DOCK1: variants seen among roughly 807,000 people sequenced by gnomAD.
DOCK1 encodes dedicator of cytokinesis 1, also known as dedicator of cytokinesis protein 1.
In DOCK1, 138 loss-of-function variants were observed where a neutral mutation model predicts 262.7. The observed-to-expected ratio is 0.53, with a 90% CI of 0.46 to 0.61. The LOEUF is 0.61. DOCK1 is among the 20% of genes least tolerant of loss of function. The pLI, the probability that DOCK1 is intolerant of heterozygous loss-of-function variation, is 0.00. For synonymous variants in DOCK1, 866 were observed against 867.4 expected (o/e 1.00, Z 0.03); for missense variants, 1,908 against 2,370.7 (o/e 0.80, Z 4.05).
In DOCK1 at chr10:127,162,298, A is replaced by G. The variant is rs115841271; in HGVS notation, c.2847+34534A>G. On this transcript the variant is annotated intron_variant, in intron 27 of 51. Transcript: ENST00000623213. ...GTTTCTTGTATACAGTTGTGTCCCAATTGATTAGTTTAAGGGAGATCTATT... is the reference window on the plus strand; with the variant it reads ...GTTTCTTGTATACAGTTGTGTCCCAGTTGATTAGTTTAAGGGAGATCTATT... Among the ~76,000 whole-genome samples the G allele has an allele frequency of 1.3e-3, 194 of 152,254 alleles. 2 individuals carry two copies. The highest frequency in any genetic ancestry group is 4.5e-3 in the African/African-American group (186 of 41,550).
At chr10:126,972,577 G>A (rs2038197451) in intron 2 of DOCK1, among the ~76,000 whole-genome samples, 1 of 152,098 alleles carries the variant, frequency 6.6e-6, no homozygotes, top group South Asian at 2.1e-4. Context: ...GGGAGGTTGG[G>A]GGTGAGAGGG....
At chr10:127,225,831 C>A (rs572370913) in intron 27 of DOCK1, among the ~76,000 whole-genome samples, 2 of 152,296 alleles carry the variant, frequency 1.3e-5, no homozygotes, top group Non-Finnish European at 2.9e-5. Context: ...GTAACCCCTT[C>A]ACTTTGGGAG....
At chr10:127,099,975 G>A (rs557574944) in intron 23 of DOCK1, among the ~76,000 whole-genome samples, 1 of 152,152 alleles carries the variant, frequency 6.6e-6, no homozygotes, top group East Asian at 1.9e-4. Flanking sequence ...TGGCAGAGGG[G>A]CCTGGCCCAC....
intron 1 of DOCK1, among the ~76,000 whole-genome samples, chr10:126,907,200 G>A (rs529437411): frequency 1.7e-3 from 266 of 152,272 alleles, no homozygotes; most frequent in African/African-American, 6.0e-3. Flanking sequence ...CCCTGCGGGG[G>A]TAGTGTGTAG....
intron 4 of DOCK1, among the ~76,000 whole-genome samples, chr10:126,986,790 G>A (rs555724503): frequency 3.3e-5 from 5 of 152,138 alleles, no homozygotes; most frequent in Non-Finnish European, 1.5e-5. Flanking sequence ...GGCACCTGTA[G>A]TCCCAGCTGC....
intron 27 of DOCK1, among the ~76,000 whole-genome samples, chr10:127,218,690 C>A (rs1418818043): frequency 6.6e-6 from 1 of 152,158 alleles, no homozygotes; most frequent in Non-Finnish European, 1.5e-5. Flanking sequence ...CCTCCACTTT[C>A]TGTTGTTATT....
intron 25 of DOCK1, among the ~76,000 whole-genome samples, chr10:127,124,207 A>G (rs2049799802): frequency 6.6e-6 from 1 of 152,254 alleles, no homozygotes; most frequent in Non-Finnish European, 1.5e-5. Context: ...CCAATGTTGC[A>G]TGCTTATAGT....
chr10:126,931,213 T>G (rs1286574139), intron 1 of DOCK1, among the ~76,000 whole-genome samples: 1 of 152,164 alleles, frequency 6.6e-6, no homozygotes, highest in Non-Finnish European at 1.5e-5. Flanking sequence ...AAGCCTCTCA[T>G]GAGCTTAGAC....
At position 126,910,413 on chromosome 10, in the gene DOCK1, C is replaced by T. The variant is rs556461068; in HGVS notation, c.46+4850C>T. 1.1e-4 allele frequency among the ~76,000 whole-genome samples: 17 copies of T among 152,340 alleles called. No homozygotes were observed. The East Asian group carries it at 1.9e-3, about 17-fold the overall frequency. ...TGTCCTTTGCTGGGTGTGGCGCTGA[C>T]GCCCCAGGGCCATCGCTGTAGCAAG... On this transcript the variant is annotated intron_variant, in intron 1 of 51. Transcript: ENST00000623213.
chr10:127,106,422 C>T (rs994514389), intron 24 of DOCK1, 121 bp downstream of exon 24: 2 of 964,534 alleles, frequency 2.1e-6, no homozygotes, highest in Non-Finnish European at 3.1e-6. Context: ...TGCCCTGGAT[C>T]ATTCTGGAAC....
At chr10:127,310,871 GAAGAA>G (rs1282296152) in intron 29 of DOCK1, among the ~76,000 whole-genome samples, 2 of 151,976 alleles carry the variant, frequency 1.3e-5, no homozygotes, top group African/African-American at 4.8e-5. Flanking sequence ...ACATTCAGAA[GAAGAA>G]AAGAAAAAAA....
In DOCK1 at chr10:127,257,005, C is replaced by T. The variant is rs191510826; in HGVS notation, c.2950-330C>T. ...TAAGAAAAAGCTGTAACCTGCAAGC[C>T]TTGTTTGTTAAAATCATGTTTTCCT... On this transcript the variant is annotated intron_variant, in intron 28 of 51. Coordinates refer to ENST00000623213, the MANE Select transcript of DOCK1 (RefSeq NM_001290223.2). Among the ~76,000 whole-genome samples, 9 of 152,288 alleles carry T rather than the reference C, an allele frequency of 5.9e-5. No homozygotes were observed. In the East Asian group the frequency reaches 9.6e-4, roughly 16 times the overall value.
rs1026807383 is a variant in DOCK1 at position 126,995,506 on chromosome 10, GGC to G, written c.474-1235_474-1234del. Among the ~76,000 whole-genome samples, 20 of 152,210 alleles carry G rather than the reference GGC, an allele frequency of 1.3e-4. No homozygotes were observed. Among genetic ancestry groups the G allele is most frequent in the African/African-American group, 4.3e-4 (18 of 41,466 alleles). The stretch of plus-strand genomic sequence containing the variant: ...AATACGAAAACCAGTCAGGTGTGGC[GGC>G]GCGCGCCTGCAATCCCAGGCACTCC... On this transcript the variant is annotated intron_variant, in intron 6 of 51. Coordinates refer to ENST00000623213, the MANE Select transcript of DOCK1 (RefSeq NM_001290223.2). The surrounding 1 kb of genome is among the most constrained non-coding windows in gnomAD (Gnocchi z 5.8).
intron 46 of DOCK1, among the ~76,000 whole-genome samples, chr10:127,423,582 G>A (rs572187981): frequency 3.3e-5 from 5 of 152,144 alleles, no homozygotes; most frequent in Non-Finnish European, 7.4e-5. Context: ...CATCCCTGCC[G>A]AGTATCCAAA....
In DOCK1 at chr10:127,024,739, A is replaced by G. The variant is rs760609272; in HGVS notation, c.1507A>G (p.Ile503Val). 6.2e-7 allele frequency: 1 copy of G among 1,612,602 alleles called. No individual in the cohort carries two copies. Among genetic ancestry groups the G allele is most frequent in the Non-Finnish European group, 8.5e-7 (1 of 1,179,432 alleles). Reference sequence around the variant, plus strand: ...AGCGATTTCAGAGTACAAATCTGTGATTTACTACCAAGTAAAGCAGCCACG... The same window carrying G: ...AGCGATTTCAGAGTACAAATCTGTGGTTTACTACCAAGTAAAGCAGCCACG... ...DEAISEYKSVIYYQVKQPRWF... is the reference protein window; with the variant it reads ...DEAISEYKSVVYYQVKQPRWF... Residue 503 changes from isoleucine (I) to valine (V), a missense_variant, in exon 15 of 52, where the codon ATT becomes GTT. Physicochemically the swap from Ile to Val is conservative, Grantham distance 29 (BLOSUM62 3). Coordinates refer to ENST00000623213, the MANE Select transcript of DOCK1 (RefSeq NM_001290223.2).
intron 23 of DOCK1, among the ~76,000 whole-genome samples, chr10:127,103,618 A>G (rs1045209797): frequency 6.6e-6 from 1 of 152,194 alleles, no homozygotes; most frequent in African/African-American, 2.4e-5. Flanking sequence ...CAGAAATCCT[A>G]TCTGCAGGAA....
chr10:127,130,065 CTTTTTTTTTTTTTTTTT>C (rs74721427), intron 27 of DOCK1, among the ~76,000 whole-genome samples: 2,098 of 117,584 alleles, frequency 0.018, 99 homozygotes, highest in African/African-American at 0.074. Context: ...TTAGGGTCTT[CTTTTTTTTTTTTTTTTT>C]TTTTTTTTTT....
intron 27 of DOCK1, among the ~76,000 whole-genome samples, chr10:127,230,013 C>G (rs2058783179): frequency 2.0e-5 from 3 of 152,260 alleles, no homozygotes; most frequent in Admixed American, 2.0e-4. Flanking sequence ...CATATGTTGG[C>G]CACTTTTTAT....
intron 29 of DOCK1, among the ~76,000 whole-genome samples, chr10:127,310,532 C>T (rs1214200842): frequency 2.0e-5 from 3 of 152,146 alleles, no homozygotes; most frequent in Non-Finnish European, 4.4e-5. Flanking sequence ...TTAAACTGTG[C>T]ATTTTGTAAG....
Sources: allele counts gnomAD v4.1 joint callset (sites outside exome capture counted in the v4.1 genomes callset), GRCh38; gene constraint gnomAD v4.1.1; non-coding constraint Gnocchi (gnomAD v3.1); transcripts MANE v1.5; gene names NCBI Gene and HGNC (gene_info 2026-07-23, HGNC 2026-07-21).